The following TRAPPC9 variants were observed in gnomAD, a reference collection of about 807,000 sequenced individuals.
TRAPPC9 encodes the protein trafficking protein particle complex subunit 9.
TRAPPC9 carries 83 observed loss-of-function variants against 124.0 expected under a neutral mutation model. The ratio of observed to expected loss-of-function variants is 0.67; its 90% CI spans 0.56 to 0.80. The LOEUF (loss-of-function observed/expected upper bound fraction) is 0.80. Among genes scored for constraint, TRAPPC9 ranks in the 30% least tolerant of loss-of-function variants. The pLI, the probability that TRAPPC9 is intolerant of heterozygous loss-of-function variation, is 0.00. For missense variants in TRAPPC9, 1,302 were observed against 1,508.3 expected, an observed-to-expected ratio of 0.86 and a Z score of 2.27; for synonymous variants, 638 against 617.5, an observed-to-expected ratio of 1.03 and a Z score of -0.49.
At chr8:139,734,893 A>G (rs147830593) in intron 21 of TRAPPC9, among the ~76,000 whole-genome samples, 1 of 152,314 alleles carries the variant, frequency 6.6e-6, no homozygotes, top group East Asian at 1.9e-4. Flanking sequence ...ACCTTTCTCT[A>G]TTCTAGTGTT....
At chr8:140,282,719 C>T (rs1426223926) in intron 14 of TRAPPC9, among the ~76,000 whole-genome samples, 2 of 152,076 alleles carry the variant, frequency 1.3e-5, no homozygotes, top group Non-Finnish European at 2.9e-5. Flanking sequence ...GCTTACGTTA[C>T]GTGGTTATGC....
At chr8:140,133,544 T>C (rs563935766) in intron 17 of TRAPPC9, among the ~76,000 whole-genome samples, 54 of 152,292 alleles carry the variant, frequency 3.5e-4, no homozygotes, top group Non-Finnish European at 6.5e-4. Flanking sequence ...CAATCCCGAA[T>C]CAGAGTCTTC....
In TRAPPC9 at chr8:140,105,664, CA is replaced by C. The variant is rs1206169839; in HGVS notation, c.2557-81586del. On this transcript the variant is annotated intron_variant, in intron 17 of 22. Transcript: ENST00000438773. ...ACACCTCGTCTCCTCCTAGATCTAG[CA>C]GTACCTCCTCTGTGAAGCCTTTCCT... Among the ~76,000 whole-genome samples, 7 of 152,312 alleles carry C rather than the reference CA, an allele frequency of 4.6e-5. No homozygotes were observed. The East Asian group carries it at 1.4e-3, about 29-fold the overall frequency.
chr8:139,780,544 A>T (rs7009797), intron 21 of TRAPPC9, among the ~76,000 whole-genome samples: 1 of 151,964 alleles, frequency 6.6e-6, no homozygotes, highest in Non-Finnish European at 1.5e-5. Flanking sequence ...GGATTGCAGA[A>T]CTAAATGCAA....
upstream of TRAPPC9, chr8:140,458,438 C>T (rs1290785562): frequency 1.3e-6 from 2 of 1,581,926 alleles, no homozygotes. Context: ...GGGTGGGTGA[C>T]CGTGGCGCGC....
intron 13 of TRAPPC9, 71 bp from the exon 14 acceptor site, chr8:140,284,092 G>T (rs779704053): frequency 9.1e-5 from 146 of 1,601,160 alleles, no homozygotes; most frequent in Non-Finnish European, 8.7e-5. Flanking sequence ...CTGAAGCAGT[G>T]CGAAGAGTAC....
intron 19 of TRAPPC9, among the ~76,000 whole-genome samples, chr8:139,944,714 C>T (rs1587300212): frequency 6.6e-6 from 1 of 151,982 alleles, no homozygotes. Context: ...GAATAAAAAG[C>T]AGTGGGGTCA....
chr8:140,275,775 T>C lies in TRAPPC9; in HGVS notation c.2161A>G (p.Asn721Asp). The C allele has an allele frequency of 6.2e-7, 1 of 1,613,272 alleles. No individual in the cohort carries two copies. Among genetic ancestry groups the C allele is most frequent in the South Asian group, 1.1e-5 (1 of 91,046 alleles). The change falls in exon 15 of 23, where the codon AAT (asparagine) becomes GAT (aspartate). Residue 721 changes from asparagine to aspartate, a missense_variant. Physicochemically the swap from Asn to Asp is conservative, Grantham distance 23 (BLOSUM62 1). This residue lies in a region of TRAPPC9 where 640 missense variants were observed against 679.3 expected (regional missense o/e 0.94). Transcript: ENST00000438773. Reference protein sequence around the residue: ...QPSSGDEISTNVSVQLYNGES... With the variant: ...QPSSGDEISTDVSVQLYNGES... ...CCATTGTAAAGCTGGACAGATACAT[T>C]AGTAGATATTTCATCACCAGAAGAA...
At chr8:140,453,851 C>G (rs552871862) in intron 1 of TRAPPC9, among the ~76,000 whole-genome samples, 51 of 152,308 alleles carry the variant, frequency 3.3e-4, no homozygotes, top group Admixed American at 2.2e-3. Context: ...GAGGACATAT[C>G]AAAATACTGA....
At chr8:140,120,505 T>C (rs933200082) in intron 17 of TRAPPC9, among the ~76,000 whole-genome samples, 2 of 152,156 alleles carry the variant, frequency 1.3e-5, no homozygotes, top group African/African-American at 4.8e-5. Context: ...CTCTCATCCA[T>C]CTAGCCTCCA....
intron 17 of TRAPPC9, among the ~76,000 whole-genome samples, chr8:140,100,788 C>A (rs887718376): frequency 2.0e-5 from 3 of 152,152 alleles, no homozygotes; most frequent in Non-Finnish European, 4.4e-5. Context: ...TGACAGGGCC[C>A]TGAGGATGAC....
At chr8:139,817,045 A>AACACACACACACACAC (rs1228353322) in intron 21 of TRAPPC9, among the ~76,000 whole-genome samples, 5,469 of 135,306 alleles carry the variant, frequency 0.04, 208 homozygotes, top group South Asian at 0.077. Context: ...ACATAAACTA[A>AACACACACACACACAC]ACACACACAC....
chr8:140,156,274 A>G (rs4736143), intron 17 of TRAPPC9, among the ~76,000 whole-genome samples: 58,186 of 152,040 alleles, frequency 0.38, 12,121 homozygotes, highest in African/African-American at 0.54. Flanking sequence ...AAGGTGACGG[A>G]AGCATTCAAT....
At chr8:140,315,108 T>C (rs1299419509) in intron 9 of TRAPPC9, among the ~76,000 whole-genome samples, 1 of 152,218 alleles carries the variant, frequency 6.6e-6, no homozygotes, top group African/African-American at 2.4e-5. Context: ...TTTCATCTTT[T>C]GACTTTTTGA....
intron 19 of TRAPPC9, among the ~76,000 whole-genome samples, chr8:139,983,416 T>C (rs1837039411): frequency 1.3e-5 from 2 of 152,018 alleles, no homozygotes; most frequent in Admixed American, 6.6e-5. Context: ...CCACCTTCCT[T>C]GGCCCCCCAG....
intron 17 of TRAPPC9, among the ~76,000 whole-genome samples, chr8:140,080,869 C>G (rs925055886): frequency 6.6e-6 from 1 of 152,170 alleles, no homozygotes; most frequent in Non-Finnish European, 1.5e-5. Flanking sequence ...GAAATAGGCA[C>G]AGAACCAGAA....
Position 140,241,831 on chromosome 8 carries a change from G to C in TRAPPC9, c.2431+10946C>G, listed in dbSNP as rs756971890. 6.6e-6 allele frequency among the ~76,000 whole-genome samples: 1 copy of C among 152,322 alleles called. No homozygotes were observed. The highest frequency in any genetic ancestry group is 1.9e-4 in the East Asian group (1 of 5,188). On this transcript the variant is annotated intron_variant, in intron 16 of 22. Coordinates refer to ENST00000438773, the MANE Select transcript of TRAPPC9 (RefSeq NM_001160372.4). The surrounding 1 kb of genome is among the most constrained non-coding windows in gnomAD (Gnocchi z 5.0). ...TGGAACACTCGGCAGCCTTCGCAGC[G>C]TGCCTTCCGTCCCTCACTTGCTTAA...
intron 20 of TRAPPC9, among the ~76,000 whole-genome samples, chr8:139,895,105 T>G (rs1271583257): frequency 1.3e-5 from 2 of 152,162 alleles, no homozygotes; most frequent in Non-Finnish European, 2.9e-5. Context: ...CCGGAGCCAC[T>G]TTAACTCCAG....
intron 5 of TRAPPC9, among the ~76,000 whole-genome samples, chr8:140,421,794 T>C (rs1212947833): frequency 1.3e-5 from 2 of 152,144 alleles, no homozygotes; most frequent in Admixed American, 1.3e-4. Flanking sequence ...TCTGTAGTCA[T>C]GACACTACCT....
Sources: gnomAD v4.1 joint callset for allele counts (sites outside exome capture counted in the v4.1 genomes callset) on GRCh38, gnomAD v4.1.1 for gene constraint, gnomAD v4.1.1 regional missense constraint, Gnocchi (gnomAD v3.1) non-coding constraint, MANE v1.5 for transcripts, NCBI Gene and HGNC (gene_info 2026-07-23, HGNC 2026-07-21) for gene names.